CFAP46: variants seen among roughly 807,000 people sequenced by gnomAD.
CFAP46 encodes cilia and flagella associated protein 46, also known as cilia- and flagella-associated protein 46.
A neutral mutation model predicts 325.7 loss-of-function variants in CFAP46; 245 were observed. That is an observed-to-expected ratio of 0.75 (90% confidence interval 0.68 to 0.84). The LOEUF (loss-of-function observed/expected upper bound fraction) is 0.84. Among genes scored for constraint, CFAP46 ranks in the 40% least tolerant of loss-of-function variants. The pLI is 0.00. For synonymous variants in CFAP46, 1,523 were observed against 1,495.9 expected (o/e 1.02, Z -0.42); for missense variants, 3,346 against 3,543.0 (o/e 0.94, Z 1.41).
At position 132,845,575 on chromosome 10, in the gene CFAP46, G is replaced by A. The variant is rs117384681; in HGVS notation, c.6438+482C>T. 8.5e-5 allele frequency among the ~76,000 whole-genome samples: 13 copies of A among 152,322 alleles called. 1 individual carries two copies. In the East Asian group the frequency reaches 1.7e-3, roughly 20 times the overall value. On this transcript the variant is annotated intron_variant, in intron 44 of 57. Coordinates refer to ENST00000368586, the MANE Select transcript of CFAP46 (RefSeq NM_001200049.3). Reference sequence around the variant, plus strand: ...TTCCCACAATTCAAGAAATGTCGTCGTCTTTTTTCTTTAAATACTGCCATT... The same window carrying A: ...TTCCCACAATTCAAGAAATGTCGTCATCTTTTTTCTTTAAATACTGCCATT...
At chr10:132,883,908 T>C (rs1462137856) in intron 27 of CFAP46, among the ~76,000 whole-genome samples, 1 of 152,182 alleles carries the variant, frequency 6.6e-6, no homozygotes, top group Non-Finnish European at 1.5e-5. Flanking sequence ...TGAGTGCTGA[T>C]GGATGCAGGA....
At chr10:132,927,355 G>A (rs965524769) in intron 9 of CFAP46, among the ~76,000 whole-genome samples, 2 of 151,876 alleles carry the variant, frequency 1.3e-5, no homozygotes, top group African/African-American at 2.4e-5. Context: ...GCAGGTCCTC[G>A]GCGGCAGACG....
chr10:132,927,823 C>A (rs1849835196), intron 9 of CFAP46, among the ~76,000 whole-genome samples: 1 of 152,260 alleles, frequency 6.6e-6, no homozygotes, highest in South Asian at 2.1e-4. Context: ...CATTAGTGAG[C>A]TTTTAATTTA....
chr10:132,922,603 G>T lies in CFAP46; in HGVS notation c.1362C>A (p.Arg454=). 6.5e-7 allele frequency: 1 copy of T among 1,549,326 alleles called. No homozygotes were observed. ...CCCGGTAGAGGCCCAGGCTGTCCAGGCGCGCGGCTTTCCGGAGGTGCTCCG... is the reference window on the plus strand; with the variant it reads ...CCCGGTAGAGGCCCAGGCTGTCCAGTCGCGCGGCTTTCCGGAGGTGCTCCG... ...PATEHLRKAA[R]LDSLGLYRDR... is the part of the protein sequence containing the mutation. The change falls in exon 12 of 58, where the codon CGC becomes CGA. Residue 454 remains arginine (R), a synonymous_variant. Transcript: ENST00000368586.
At chr10:132,835,685 C>A (rs570360836) in intron 46 of CFAP46, among the ~76,000 whole-genome samples, 1 of 152,242 alleles carries the variant, frequency 6.6e-6, no homozygotes, top group Admixed American at 6.5e-5. Context: ...TCCAGAATGT[C>A]ACAGGCTCTA....
intron 13 of CFAP46, among the ~76,000 whole-genome samples, chr10:132,920,410 G>A (rs909606232): frequency 1.3e-5 from 2 of 152,174 alleles, no homozygotes; most frequent in East Asian, 1.9e-4. Context: ...TCCTCTGAGT[G>A]GGGGAGGCTC....
chr10:132,887,327 C>G lies in CFAP46; in HGVS notation c.3305-1368G>C, dbSNP rs1179223151. On this transcript the variant is annotated intron_variant, in intron 25 of 57. Coordinates refer to ENST00000368586, the MANE Select transcript of CFAP46 (RefSeq NM_001200049.3). ...CCCTCTTCTCTCCCCTCTCTCCTCT[C>G]TCGCTTCTCTCTCTCCTCTCCTCTC... Among the ~76,000 whole-genome samples, 5 of 107,058 alleles carry G rather than the reference C, an allele frequency of 4.7e-5. 1 individual carries two copies. The highest frequency in any genetic ancestry group is 2.2e-4 in the African/African-American group (5 of 22,704). The allele number at this position is 107,058 out of a possible 152,430, so 70.2% of individuals were successfully genotyped here.
At chr10:132,900,584 A>G (rs979110686) in intron 22 of CFAP46, among the ~76,000 whole-genome samples, 2 of 152,222 alleles carry the variant, frequency 1.3e-5, no homozygotes, top group African/African-American at 4.8e-5. Context: ...CAAAGGAGTC[A>G]AAGGAGGAAG....
chr10:132,940,799 G>T (rs1025281154), intron 4 of CFAP46, among the ~76,000 whole-genome samples, 197 bp downstream of exon 4: 16 of 152,206 alleles, frequency 1.1e-4, no homozygotes, highest in African/African-American at 3.4e-4. Flanking sequence ...TGCAAAAGAG[G>T]CTGTTACTCG....
At position 132,859,187 on chromosome 10, in the gene CFAP46, G is replaced by GCACT; in HGVS notation, c.5255_5258dup (p.Cys1753Ter). 1 of 1,550,546 alleles carries GCACT rather than the reference G, an allele frequency of 6.4e-7. No homozygotes were observed. The highest frequency in any genetic ancestry group is 8.7e-7 in the Non-Finnish European group (1 of 1,147,018). ...CATCCATCTCTTTCAGTAGCAACGA[G>GCACT]CACTCTGTGGGTTCAGTGACCGCTG... is the stretch of plus-strand genomic sequence containing the variant. On this transcript the variant is annotated stop_gained and frameshift_variant, in exon 38 of 58. Transcript: ENST00000368586. LOFTEE classifies it high-confidence loss of function.
rs1237593918 is a variant in CFAP46 at position 132,885,146 on chromosome 10, G to A, written c.3584C>T (p.Ser1195Phe). 6.5e-7 allele frequency: 1 copy of A among 1,550,244 alleles called. No individual in the cohort carries two copies. The highest frequency in any genetic ancestry group is 8.7e-7 in the Non-Finnish European group (1 of 1,146,872). ...HRLALNSPSV[S>F]GELACYNNAI... ...GTTGTTGTAGCAGGCCAGCTCTCCA[G>A]ACACGCTCGGCGAGTTCAGGGCCAG... Residue 1195 changes from serine (S) to phenylalanine (F), a missense_variant, in exon 27 of 58, where the codon TCT (serine) becomes TTT (phenylalanine). Coordinates refer to ENST00000368586, the MANE Select transcript of CFAP46 (RefSeq NM_001200049.3).
intron 27 of CFAP46, among the ~76,000 whole-genome samples, chr10:132,881,703 C>CCGCAG: frequency 6.9e-6 from 1 of 144,420 alleles, no homozygotes; most frequent in African/African-American, 2.4e-5. Context: ...ACCACACCCT[C>CCGCAG]CCCTCCACAG....
intron 29 of CFAP46, 127 bp from the exon 30 acceptor site, chr10:132,878,214 T>A: frequency 2.3e-6 from 2 of 879,712 alleles, no homozygotes; most frequent in Non-Finnish European, 3.5e-6. Context: ...GCTCTGGTGG[T>A]CTTGCGTCCC....
intron 35 of CFAP46, among the ~76,000 whole-genome samples, chr10:132,863,023 A>G (rs1848745886): frequency 6.6e-6 from 1 of 152,132 alleles, no homozygotes; most frequent in African/African-American, 2.4e-5. Context: ...CTGTGAAACA[A>G]AGTCCCTGCA....
In CFAP46 at chr10:132,832,708, G is replaced by A. The variant is rs1281551449; in HGVS notation, c.7117+650C>T. The A allele has an allele frequency of 8.3e-5, 39 of 467,610 alleles. No individual in the cohort carries two copies. Among genetic ancestry groups the A allele is most frequent in the South Asian group, 5.3e-4 (34 of 64,504 alleles). The allele number at this position is 467,610 out of a possible 1,614,324, so 29.0% of individuals were successfully genotyped here. ...CGGGGAAGCTTCACAACCGGGGCAC[G>A]TCTGCACAGCCAGCACTCAGTCACA... On this transcript the variant is annotated intron_variant, in intron 50 of 57. Transcript: ENST00000368586. The surrounding 1 kb of genome is among the most constrained non-coding windows in gnomAD (Gnocchi z 4.1).
At chr10:132,891,004 T>C (rs2083881087) in intron 25 of CFAP46, among the ~76,000 whole-genome samples, 1 of 152,242 alleles carries the variant, frequency 6.6e-6, no homozygotes, top group African/African-American at 2.4e-5. Flanking sequence ...TCTATAAACA[T>C]GAATTGGTAT....
chr10:132,845,170 G>A (rs1379881004), intron 44 of CFAP46, among the ~76,000 whole-genome samples: 2 of 152,214 alleles, frequency 1.3e-5, no homozygotes, highest in African/African-American at 4.8e-5. Context: ...CCAGGCGCAG[G>A]GCCAGGCTGT....
chr10:132,819,528 G>A (rs1847756245), intron 50 of CFAP46, among the ~76,000 whole-genome samples: 1 of 152,190 alleles, frequency 6.6e-6, no homozygotes, highest in African/African-American at 2.4e-5. Flanking sequence ...ATGTGGTACT[G>A]GTATAAAAGC....
At chr10:132,820,296 C>T (rs1847768468) in intron 50 of CFAP46, among the ~76,000 whole-genome samples, 2 of 150,590 alleles carry the variant, frequency 1.3e-5, no homozygotes, top group African/African-American at 5.0e-5. Flanking sequence ...CATGAGGAAT[C>T]TAAGAGTGCA....
Sources: gnomAD v4.1 joint callset for allele counts (sites outside exome capture counted in the v4.1 genomes callset) on GRCh38, gnomAD v4.1.1 for gene constraint, Gnocchi (gnomAD v3.1) non-coding constraint, MANE v1.5 for transcripts, NCBI Gene and HGNC (gene_info 2026-07-23, HGNC 2026-07-21) for gene names.